The following PUDP variants were observed in gnomAD, a reference collection of about 807,000 sequenced individuals.
The protein encoded by PUDP is pseudouridine 5'-phosphatase, also known as pseudouridine-5'-phosphatase.
A neutral mutation model predicts 9.4 loss-of-function variants in PUDP; 8 were observed. The ratio of observed to expected loss-of-function variants is 0.85; its 90% CI spans 0.50 to 1.53. The LOEUF is 1.53. Ranked by LOEUF, PUDP falls within the 40% of genes most tolerant of loss-of-function variation. PUDP has a pLI of 0.00. For synonymous variants in PUDP, 99 were observed against 80.7 expected (o/e 1.23, Z -1.22); for missense variants, 188 against 189.7 (o/e 0.99, Z 0.05).
At position 6,912,472 on chromosome X, in the gene PUDP, C is replaced by A. The variant is rs770558132; in HGVS notation, c.*247+64661G>T. On this transcript the variant is annotated intron_variant and NMD_transcript_variant, in intron 3 of 3. Coordinates refer to the PUDP transcript ENST00000655425. ...CTTAACTGCTAGTTAATTAAATTTG[C>A]CAAGAGGCTTATATTTTCCCTCTTC... 1.9e-4 allele frequency among the ~76,000 whole-genome samples: 21 copies of A among 112,160 alleles called. No individual in the cohort carries two copies. The South Asian group carries it at 7.4e-3, about 39-fold the overall frequency.
intron 3 of PUDP, among the ~76,000 whole-genome samples, chrX:7,058,246 T>G (rs1312001141): frequency 8.9e-6 from 1 of 112,415 alleles, no homozygotes; most frequent in African/African-American, 3.2e-5. Flanking sequence ...ACTAGTGAGC[T>G]TTCCAAATAT....
At chrX:7,020,752 C>T (rs966293277) in intron 1 of PUDP, among the ~76,000 whole-genome samples, 6 of 112,867 alleles carry the variant, frequency 5.3e-5, no homozygotes, top group African/African-American at 1.9e-4. Flanking sequence ...TAGGGAACTG[C>T]TGTTCCTGTT....
chrX:6,797,452 A>G (rs1194130333), intron 3 of PUDP, among the ~76,000 whole-genome samples: 1 of 111,565 alleles, frequency 9.0e-6, no homozygotes, highest in Non-Finnish European at 1.9e-5. Context: ...AAAAGAGATT[A>G]TGGTTTCTGT....
chrX:6,971,561 C>A (rs897427369), intron 3 of PUDP, among the ~76,000 whole-genome samples: 2 of 103,063 alleles, frequency 1.9e-5, no homozygotes, highest in Non-Finnish European at 4.0e-5. Context: ...GGACTACAGG[C>A]GCCCACCACC....
At chrX:6,903,164 A>G (rs909023683) in intron 3 of PUDP, among the ~76,000 whole-genome samples, 3 of 112,313 alleles carry the variant, frequency 2.7e-5, no homozygotes, top group Admixed American at 9.4e-5. Flanking sequence ...TTCTATTGGC[A>G]AATGAGCATG....
At chrX:6,762,460 C>A (rs751317894) in intron 3 of PUDP, among the ~76,000 whole-genome samples, 3 of 111,480 alleles carry the variant, frequency 2.7e-5, no homozygotes, top group Non-Finnish European at 5.6e-5. Flanking sequence ...TATTTTTTCT[C>A]CTGTTGGCTC....
In PUDP at chrX:7,065,681, C is replaced by T. The variant is rs145539093; in HGVS notation, c.510+11539G>A. On this transcript the variant is annotated intron_variant, in intron 3 of 3. Coordinates refer to ENST00000381077, the MANE Select transcript of PUDP (RefSeq NM_012080.5). ...GAGGCCAGATCGGGTGAGGAAGGTA[C>T]AAGGAAGGTACAACATGTCCAGGGG... Among the ~76,000 whole-genome samples the T allele has an allele frequency of 6.3e-4, 71 of 112,192 alleles. 1 individual carries two copies. The East Asian group carries it at 0.016, about 26-fold the overall frequency.
chrX:7,126,503 T>C (rs1932490470), intron 1 of PUDP, among the ~76,000 whole-genome samples: 1 of 112,015 alleles, frequency 8.9e-6, no homozygotes, highest in Non-Finnish European at 1.9e-5. Context: ...ATTAATTTTC[T>C]TGCAATTCTG....
intron 2 of PUDP, among the ~76,000 whole-genome samples, chrX:7,079,511 A>T (rs1035294580): frequency 2.7e-5 from 3 of 112,765 alleles, no homozygotes; most frequent in Non-Finnish European, 5.6e-5. Context: ...AACAGCAGAA[A>T]CCACATTATT....
chrX:7,021,363 T>C (rs1028661967), intron 1 of PUDP, among the ~76,000 whole-genome samples: 2 of 111,550 alleles, frequency 1.8e-5, no homozygotes, highest in African/African-American at 3.3e-5. Flanking sequence ...GCTTTTGCTA[T>C]AGACTAGAGA....
At chrX:6,751,410 A>G (rs1156711426) in intron 3 of PUDP, among the ~76,000 whole-genome samples, 1 of 111,598 alleles carries the variant, frequency 9.0e-6, no homozygotes, top group African/African-American at 3.3e-5. Context: ...CAGTAGCTGG[A>G]AATGGAGGGA....
intron 1 of PUDP, among the ~76,000 whole-genome samples, chrX:6,707,608 C>T (rs73188671): frequency 0.25 from 27,619 of 109,883 alleles, 3,249 homozygotes; most frequent in Non-Finnish European, 0.36. Context: ...CAACAGGGTT[C>T]GCACTCCTAT....
chrX:6,841,638 C>G (rs1926672636), intron 3 of PUDP, among the ~76,000 whole-genome samples: 1 of 111,736 alleles, frequency 8.9e-6, no homozygotes, highest in Non-Finnish European at 1.9e-5. Flanking sequence ...TAGAAATTAA[C>G]ACATAATATT....
rs1167870521 is a variant in PUDP at position 7,020,376 on chromosome X, T to C, written c.205-42033A>G. On this transcript the variant is annotated intron_variant and NMD_transcript_variant, in intron 1 of 3. Coordinates refer to the PUDP transcript ENST00000655425. ...CTTGTCTTAACCTAACCTTCAGCTC[T>C]TTCTCTCCCAAACTGCAATTATTTG... Among the ~76,000 whole-genome samples the C allele has an allele frequency of 1.1e-4, 10 of 92,374 alleles. No homozygotes were observed. The Admixed American group carries it at 1.2e-3, about 11-fold the overall frequency. The allele number at this position is 92,374 out of a possible 115,157, so 80.2% of individuals were successfully genotyped here. A position where few individuals can be genotyped will look rare whatever the true frequency, so the allele number is the denominator to read the frequency against.
Position 7,012,786 on chromosome X carries a change from A to T in PUDP, c.205-34443T>A, listed in dbSNP as rs147016181. 8.0e-3 allele frequency among the ~76,000 whole-genome samples: 886 copies of T among 111,227 alleles called. 11 individuals are homozygous for T. Among genetic ancestry groups the T allele is most frequent in the African/African-American group, 0.028 (840 of 30,453 alleles). ...AAATGGGTTGCTCCTGGATGTATAG[A>T]GTTATTCTACAGGAGTCCTGCTCCT... On this transcript the variant is annotated intron_variant and NMD_transcript_variant, in intron 1 of 3. Transcript: ENST00000655425.
intron 1 of PUDP, among the ~76,000 whole-genome samples, chrX:6,708,024 T>G (rs775513977): frequency 8.9e-6 from 1 of 111,843 alleles, no homozygotes; most frequent in South Asian, 3.7e-4. Flanking sequence ...TGGGTGGGAT[T>G]TCCTGCAATC....
At chrX:6,712,451 A>G (rs1339027597) in intron 1 of PUDP, among the ~76,000 whole-genome samples, 1 of 112,313 alleles carries the variant, frequency 8.9e-6, no homozygotes, top group Non-Finnish European at 1.9e-5. Context: ...CGCCCAGCCT[A>G]TGAGCCAAAT....
intron 3 of PUDP, among the ~76,000 whole-genome samples, chrX:6,926,262 G>T (rs1394409438): frequency 8.9e-6 from 1 of 111,854 alleles, no homozygotes; most frequent in Non-Finnish European, 1.9e-5. Flanking sequence ...AGAAAGCCCT[G>T]CCAGAGGAAG....
At chrX:6,933,167 C>G (rs1177376686) in intron 3 of PUDP, among the ~76,000 whole-genome samples, 5 of 103,252 alleles carry the variant, frequency 4.8e-5, no homozygotes, top group African/African-American at 1.7e-4. Flanking sequence ...AGACTGCCTC[C>G]TCAAGTGGGT....
Sources: allele counts gnomAD v4.1 joint callset (sites outside exome capture counted in the v4.1 genomes callset), GRCh38; gene constraint gnomAD v4.1.1; transcripts MANE v1.5; gene names NCBI Gene and HGNC (gene_info 2026-07-23, HGNC 2026-07-21).